RNF38: variants seen among roughly 807,000 people sequenced by gnomAD.
RNF38 encodes the protein ring finger protein 38.
RNF38 carries 15 observed loss-of-function variants against 67.2 expected under a neutral mutation model. The observed-to-expected ratio is 0.22, with a 90% CI of 0.15 to 0.34. The LOEUF (loss-of-function observed/expected upper bound fraction) is 0.34, where lower values mean the gene tolerates loss of function less well. Ranked by LOEUF, RNF38 falls within the 10% of genes least tolerant of loss-of-function variation. The probability of loss-of-function intolerance (pLI) is 1.00; values close to 1 mark genes in which losing one functional copy is unlikely to be tolerated. For missense variants in RNF38, 524 were observed against 639.9 expected (o/e 0.82, Z 1.95); for synonymous variants, 220 against 218.8 (o/e 1.01, Z -0.05).
At chr9:36,434,056 T>G (rs1838999808) in intron 1 of RNF38, among the ~76,000 whole-genome samples, 1 of 151,404 alleles carries the variant, frequency 6.6e-6, no homozygotes, top group South Asian at 2.1e-4. Flanking sequence ...GCCAACATGG[T>G]GAAACCCCAT....
At chr9:36,350,097 G>A (rs1285949694) in intron 9 of RNF38, among the ~76,000 whole-genome samples, 1 of 152,142 alleles carries the variant, frequency 6.6e-6, no homozygotes, top group Non-Finnish European at 1.5e-5. Context: ...GGATTACAGG[G>A]TGAGCCACTG....
rs1316783022 is a variant in RNF38 at position 36,377,919 on chromosome 9, TG to T, written c.163-1793del. ...TCCCATCCGTGGTTGGTTCAATCTT[TG>T]GGTAAGGAACCACCAACTAATCTAG... On this transcript the variant is annotated intron_variant, in intron 2 of 11. Coordinates refer to ENST00000259605, the MANE Select transcript of RNF38 (RefSeq NM_022781.5). Among the ~76,000 whole-genome samples the T allele has an allele frequency of 9.8e-5, 15 of 152,326 alleles. No homozygotes were observed. In the East Asian group the frequency reaches 2.9e-3, roughly 29 times the overall value.
intron 1 of RNF38, among the ~76,000 whole-genome samples, chr9:36,439,739 C>T (rs764226776): frequency 6.3e-4 from 90 of 143,442 alleles, no homozygotes; most frequent in Middle Eastern, 3.9e-3. Flanking sequence ...TGTAGTGAGC[C>T]GAGATTATAT....
intron 3 of RNF38, chr9:36,372,725 A>C: frequency 2.2e-6 from 1 of 459,892 alleles, no homozygotes; most frequent in Non-Finnish European, 3.9e-6. Flanking sequence ...GAGGACCATG[A>C]TGCTTTTCAA....
chr9:36,421,193 C>T (rs906130045), intron 2 of RNF38, among the ~76,000 whole-genome samples: 4 of 152,164 alleles, frequency 2.6e-5, no homozygotes, highest in Non-Finnish European at 5.9e-5. Context: ...GAAAGATAGG[C>T]AAAGACAACA....
chr9:36,433,329 C>G (rs528561300), intron 1 of RNF38, among the ~76,000 whole-genome samples: 3 of 151,886 alleles, frequency 2.0e-5, no homozygotes, highest in South Asian at 2.1e-4. Flanking sequence ...GATACCCCCC[C>G]CTTACCCTAA....
chr9:36,362,290 G>A (rs1006752222), intron 4 of RNF38, among the ~76,000 whole-genome samples: 4 of 151,688 alleles, frequency 2.6e-5, no homozygotes, highest in Non-Finnish European at 4.4e-5. Context: ...TCCAGGAGGC[G>A]GAGGTTGCAG....
At chr9:36,385,216 C>A (rs1015103999) in intron 2 of RNF38, among the ~76,000 whole-genome samples, 1 of 152,006 alleles carries the variant, frequency 6.6e-6, no homozygotes, top group Non-Finnish European at 1.5e-5. Context: ...ATTTCTTGAT[C>A]AGATTTTGTT....
At chr9:36,372,847 C>T (rs1177420837) in intron 3 of RNF38, among the ~76,000 whole-genome samples, 3 of 152,142 alleles carry the variant, frequency 2.0e-5, no homozygotes, top group Non-Finnish European at 4.4e-5. Flanking sequence ...AGACTTACAT[C>T]CTAATGAAAC....
chr9:36,367,747 A>G (rs1344553971), intron 4 of RNF38, among the ~76,000 whole-genome samples: 1 of 152,190 alleles, frequency 6.6e-6, no homozygotes, highest in Admixed American at 6.5e-5. Context: ...TTTCATTGTT[A>G]AGGTTGTGTT....
chr9:36,487,575 C>G, upstream of RNF38: 2 of 980,740 alleles, frequency 2.0e-6, no homozygotes, highest in Non-Finnish European at 2.4e-6. Flanking sequence ...GGGCCGCGAG[C>G]AGCGGCTCCG....
chr9:36,447,689 T>TA (rs1443347644), intron 1 of RNF38, among the ~76,000 whole-genome samples: 1 of 152,170 alleles, frequency 6.6e-6, no homozygotes, highest in Non-Finnish European at 1.5e-5. Context: ...CTTGGTACAG[T>TA]ATTCAAAATA....
At chr9:36,415,060 T>C (rs552233310) in intron 2 of RNF38, among the ~76,000 whole-genome samples, 20 of 152,332 alleles carry the variant, frequency 1.3e-4, no homozygotes, top group African/African-American at 3.8e-4. Flanking sequence ...CAGGAGTTAT[T>C]TGAGTTTCTC....
chr9:36,447,851 T>C (rs1024998096), intron 1 of RNF38, among the ~76,000 whole-genome samples: 2 of 152,194 alleles, frequency 1.3e-5, no homozygotes, highest in African/African-American at 2.4e-5. Flanking sequence ...TAGGACTAAA[T>C]GAAAATGCAT....
Position 36,375,999 on chromosome 9 carries a change from T to C in RNF38, c.291A>G (p.Ser97=). The change falls in exon 3 of 12, where the codon TCA becomes TCG. Residue 97 remains serine, a synonymous_variant. Transcript: ENST00000259605. ...AGAAGTGATGTTGGCTTGGTCGAAC[T>C]GAAGGGGGCTGCCTATTTGATGTCA... The part of the protein sequence containing the change: ...WEMTSNRQPP[S]VRPSQHHFSG... The C allele has an allele frequency of 6.2e-7, 1 of 1,613,394 alleles. No homozygotes were observed.
chr9:36,374,054 G>A (rs1205306148), intron 3 of RNF38, among the ~76,000 whole-genome samples: 3 of 152,130 alleles, frequency 2.0e-5, no homozygotes, highest in East Asian at 3.8e-4. Flanking sequence ...AGGTACTCAG[G>A]CCTTAACTTT....
At chr9:36,407,335 T>G (rs1460237875) in intron 2 of RNF38, among the ~76,000 whole-genome samples, 2 of 152,118 alleles carry the variant, frequency 1.3e-5, no homozygotes, top group African/African-American at 2.4e-5. Context: ...GTTTCCACAG[T>G]GCAGGTGAGA....
In RNF38 at chr9:36,369,889, G is replaced by C; in HGVS notation, c.400C>G (p.Arg134Gly). 3.1e-6 allele frequency: 5 copies of C among 1,613,402 alleles called. No individual in the cohort carries two copies. Among genetic ancestry groups the C allele is most frequent in the Non-Finnish European group, 4.2e-6 (5 of 1,180,030 alleles). Residue 134 changes from arginine to glycine, a missense_variant, in exon 4 of 12, where the codon CGA becomes GGA. Physicochemically the swap from Arg to Gly is moderately radical, Grantham distance 125. Transcript: ENST00000259605. The stretch of plus-strand genomic sequence containing the variant: ...TCATCTTGACTAATGGAATTATGTC[G>C]AGACAGACGATCCCTTCTTCCTCTC... ...RQRGRRDRLS[R>G]HNSISQDENY...
chr9:36,468,989 G>C (rs1839930972), intron 1 of RNF38, among the ~76,000 whole-genome samples: 2 of 152,118 alleles, frequency 1.3e-5, no homozygotes, highest in Non-Finnish European at 2.9e-5. Flanking sequence ...GCAGGTGCCT[G>C]TAGTCCCAGC....
Sources: gnomAD v4.1 joint callset for allele counts (sites outside exome capture counted in the v4.1 genomes callset) on GRCh38, gnomAD v4.1.1 for gene constraint, MANE v1.5 for transcripts, NCBI Gene and HGNC (gene_info 2026-07-23, HGNC 2026-07-21) for gene names.